ATP2B2: variants seen among roughly 807,000 people sequenced by gnomAD.
ATP2B2 encodes the protein plasma membrane calcium-transporting ATPase 2.
A neutral mutation model predicts 120.0 loss-of-function variants in ATP2B2; 15 were observed. The ratio of observed to expected loss-of-function variants is 0.12; its 90% CI spans 0.08 to 0.19. The LOEUF (loss-of-function observed/expected upper bound fraction) is 0.19, where lower values mean the gene tolerates loss of function less well. Ranked by LOEUF, ATP2B2 falls within the 10% of genes least tolerant of loss-of-function variation. The probability of loss-of-function intolerance (pLI) is 1.00; values close to 1 mark genes in which losing one functional copy is unlikely to be tolerated. For synonymous variants in ATP2B2, 694 were observed against 700.3 expected, an observed-to-expected ratio of 0.99 and a Z score of 0.14; for missense variants, 1,045 against 1,719.8, an observed-to-expected ratio of 0.61 and a Z score of 6.94.
intron 2 of ATP2B2, among the ~76,000 whole-genome samples, chr3:10,426,067 A>G (rs962886107): frequency 2.0e-5 from 3 of 151,816 alleles, no homozygotes; most frequent in African/African-American, 7.3e-5. Flanking sequence ...TGAGGCTTCA[A>G]CACAAGTGCT....
intron 12 of ATP2B2, among the ~76,000 whole-genome samples, chr3:10,361,692 C>G (rs1041942959): frequency 3.3e-5 from 5 of 152,234 alleles, no homozygotes; most frequent in African/African-American, 1.2e-4. Context: ...CCTCTCCCTT[C>G]CCTGCCAGGC....
intron 2 of ATP2B2, among the ~76,000 whole-genome samples, chr3:10,438,227 T>C (rs2063540052): frequency 6.6e-6 from 1 of 152,174 alleles, no homozygotes; most frequent in Non-Finnish European, 1.5e-5. Flanking sequence ...CATGGGTCCA[T>C]GAGTCTCTCA....
intron 1 of ATP2B2, among the ~76,000 whole-genome samples, chr3:10,661,171 C>T (rs1485022526): frequency 6.6e-6 from 1 of 152,036 alleles, no homozygotes; most frequent in African/African-American, 2.4e-5. Context: ...GGAAGCATTC[C>T]CTCTGAAAAC....
chr3:10,682,718 A>C (rs1194003933), intron 1 of ATP2B2, among the ~76,000 whole-genome samples: 2 of 152,088 alleles, frequency 1.3e-5, no homozygotes. Flanking sequence ...TAACACAAGA[A>C]ACCCCCAAAT....
chr3:10,394,671 T>TG, intron 5 of ATP2B2: 1 of 402,110 alleles, frequency 2.5e-6, no homozygotes. Flanking sequence ...TTCTGCTTGG[T>TG]GGGGTGGGCA....
intron 1 of ATP2B2, among the ~76,000 whole-genome samples, chr3:10,682,815 G>A (rs1171753385): frequency 1.3e-5 from 2 of 152,166 alleles, no homozygotes; most frequent in East Asian, 3.8e-4. Flanking sequence ...GCCTTACTGG[G>A]TCAGGTCATG....
chr3:10,677,528 A>G (rs1450021899), intron 1 of ATP2B2, among the ~76,000 whole-genome samples: 1 of 152,182 alleles, frequency 6.6e-6, no homozygotes, highest in East Asian at 1.9e-4. Flanking sequence ...AACACTTGCT[A>G]TGAACCCTAA....
chr3:10,512,818 G>A (rs551390015), intron 3 of ATP2B2, among the ~76,000 whole-genome samples: 4 of 152,296 alleles, frequency 2.6e-5, no homozygotes, highest in African/African-American at 9.6e-5. Context: ...TTCCGAAGTG[G>A]TGCAAAGAGT....
intron 1 of ATP2B2, among the ~76,000 whole-genome samples, chr3:10,650,807 C>T (rs2342146): frequency 0.064 from 9,814 of 152,184 alleles, 449 homozygotes; most frequent in African/African-American, 0.14. Flanking sequence ...TCAATGCCAG[C>T]CCCTGAAAGC....
chr3:10,365,454 C>T (rs1377649330), intron 12 of ATP2B2, among the ~76,000 whole-genome samples: 1 of 152,222 alleles, frequency 6.6e-6, no homozygotes, highest in Admixed American at 6.5e-5. Flanking sequence ...CCAGTGAGCC[C>T]TGGGGTCTTC....
rs115366924 is a variant in ATP2B2 at position 10,531,353 on chromosome 3, C to T, written c.-320+2686G>A. On this transcript the variant is annotated intron_variant, in intron 3 of 21. Coordinates refer to the ATP2B2 transcript ENST00000646379. ...TTCCCAGCAGATGCTACTTCTTCCACCTGCACTTCATTTTACTGAAAATCT... is the reference window on the plus strand; with the variant it reads ...TTCCCAGCAGATGCTACTTCTTCCATCTGCACTTCATTTTACTGAAAATCT... Among the ~76,000 whole-genome samples the T allele has an allele frequency of 3.8e-3, 579 of 152,328 alleles. 4 individuals carry two copies. The highest frequency in any genetic ancestry group is 0.013 in the African/African-American group (553 of 41,578).
intron 1 of ATP2B2, among the ~76,000 whole-genome samples, chr3:10,451,393 T>A (rs1195344703): frequency 1.3e-5 from 2 of 152,200 alleles, no homozygotes; most frequent in East Asian, 3.8e-4. Flanking sequence ...GGAGCCCTGG[T>A]TCACTCATCT....
intron 1 of ATP2B2, among the ~76,000 whole-genome samples, chr3:10,502,139 G>A (rs1325528053): frequency 1.3e-5 from 2 of 152,176 alleles, no homozygotes; most frequent in African/African-American, 2.4e-5. Context: ...TCTGACCTCC[G>A]ATCTGCAAAC....
chr3:10,337,374 C>T (rs568490350), intron 22 of ATP2B2, among the ~76,000 whole-genome samples: 3 of 152,290 alleles, frequency 2.0e-5, no homozygotes, highest in African/African-American at 7.2e-5. Context: ...TCCAGCTCCC[C>T]AGATGGTCTG....
intron 1 of ATP2B2, among the ~76,000 whole-genome samples, chr3:10,499,693 A>T (rs186590331): frequency 6.6e-6 from 1 of 152,042 alleles, no homozygotes; most frequent in East Asian, 1.9e-4. Context: ...GCCCCTTCAC[A>T]CCTTGAAGCT....
intron 2 of ATP2B2, among the ~76,000 whole-genome samples, chr3:10,419,102 T>C (rs2062886094): frequency 6.6e-6 from 1 of 152,186 alleles, no homozygotes; most frequent in South Asian, 2.1e-4. Flanking sequence ...CTCTGTGAAA[T>C]GGGAATAAAT....
At chr3:10,644,719 T>C (rs1180626813) in intron 1 of ATP2B2, among the ~76,000 whole-genome samples, 2 of 152,136 alleles carry the variant, frequency 1.3e-5, no homozygotes, top group East Asian at 1.9e-4. Context: ...GAATGAGGAT[T>C]GGTGGTTGCC....
chr3:10,412,062 C>T (rs1420993370), intron 2 of ATP2B2, among the ~76,000 whole-genome samples: 2 of 152,252 alleles, frequency 1.3e-5, no homozygotes, highest in Non-Finnish European at 2.9e-5. Context: ...TGACCCGCAA[C>T]CTGTGTCTGC....
In ATP2B2 at chr3:10,559,993, G is replaced by A. The variant is rs552262464; in HGVS notation, c.-414-25860C>T. The stretch of plus-strand genomic sequence containing the variant: ...TCCGATTTTAAGGAGCTGCCAACAC[G>A]AAAGATGCTGGCCTCTTGCAGCCTT... On this transcript the variant is annotated intron_variant, in intron 2 of 21. Coordinates refer to the ATP2B2 transcript ENST00000646379. Among the ~76,000 whole-genome samples, 404 of 152,328 alleles carry A rather than the reference G, an allele frequency of 2.7e-3. 1 individual carries two copies. Among genetic ancestry groups the A allele is most frequent in the African/African-American group, 9.1e-3 (380 of 41,578 alleles).
Sources: gnomAD v4.1 joint callset for allele counts (sites outside exome capture counted in the v4.1 genomes callset) on GRCh38, gnomAD v4.1.1 for gene constraint, MANE v1.5 for transcripts, NCBI Gene and HGNC (gene_info 2026-07-23, HGNC 2026-07-21) for gene names.